Variants in NRXN3 observed in about 807,000 individuals in gnomAD.
NRXN3 encodes neurexin 3, also known as neurexin III.
NRXN3 carries 32 observed loss-of-function variants against 137.6 expected under a neutral mutation model. That is an observed-to-expected ratio of 0.23 (90% confidence interval 0.18 to 0.31). NRXN3 has a LOEUF of 0.31. Among genes scored for constraint, NRXN3 ranks in the 10% least tolerant of loss-of-function variants. The pLI is 1.00. For synonymous variants in NRXN3, 798 were observed against 784.5 expected, an observed-to-expected ratio of 1.02 and a Z score of -0.29; for missense variants, 1,574 against 2,062.5, an observed-to-expected ratio of 0.76 and a Z score of 4.59.
At chr14:78,863,333 C>G (rs558335528) in intron 10 of NRXN3, among the ~76,000 whole-genome samples, 1 of 152,246 alleles carries the variant, frequency 6.6e-6, no homozygotes, top group Admixed American at 6.5e-5. Flanking sequence ...GTTCAGCCCC[C>G]GTATGGAGCT....
At chr14:79,219,262 A>G (rs746917110) in intron 15 of NRXN3, among the ~76,000 whole-genome samples, 6 of 152,066 alleles carry the variant, frequency 3.9e-5, no homozygotes, top group African/African-American at 1.4e-4. Context: ...AGCTAAGACT[A>G]TAGGCATCAA....
chr14:78,456,237 C>T (rs1440843347), intron 4 of NRXN3, among the ~76,000 whole-genome samples: 1 of 152,064 alleles, frequency 6.6e-6, no homozygotes, highest in Non-Finnish European at 1.5e-5. Flanking sequence ...CAAGTGGCAG[C>T]ATCTCTAAAG....
intron 15 of NRXN3, among the ~76,000 whole-genome samples, chr14:79,032,174 G>T (rs1163882197): frequency 6.6e-6 from 1 of 152,116 alleles, no homozygotes; most frequent in Admixed American, 6.6e-5. Flanking sequence ...AAAGGTACTT[G>T]ATATTTTAGG....
intron 20 of NRXN3, among the ~76,000 whole-genome samples, chr14:79,831,028 G>A (rs532339574): frequency 4.6e-4 from 70 of 152,074 alleles, no homozygotes; most frequent in African/African-American, 1.6e-3. Context: ...TTTCAGGAAC[G>A]TGTTGACATG....
chr14:78,218,979 G>A (rs552470113), intron 1 of NRXN3, among the ~76,000 whole-genome samples: 1 of 152,244 alleles, frequency 6.6e-6, no homozygotes, highest in African/African-American at 2.4e-5. Context: ...TTCTCTCCGT[G>A]TCATTACATT....
At chr14:78,981,764 G>A (rs1373629541) in intron 14 of NRXN3, among the ~76,000 whole-genome samples, 1 of 152,188 alleles carries the variant, frequency 6.6e-6, no homozygotes, top group East Asian at 1.9e-4. Flanking sequence ...ATCAATAGAT[G>A]TTTAGTGGGA....
chr14:78,601,104 C>A (rs912720050), intron 4 of NRXN3, among the ~76,000 whole-genome samples: 3 of 152,144 alleles, frequency 2.0e-5, no homozygotes, highest in Admixed American at 1.3e-4. Flanking sequence ...GCATGCTAAT[C>A]CCTGAAAGAA....
At chr14:78,690,446 A>G (rs2098161507) in intron 6 of NRXN3, among the ~76,000 whole-genome samples, 1 of 152,190 alleles carries the variant, frequency 6.6e-6, no homozygotes, top group South Asian at 2.1e-4. Context: ...CATGATATCC[A>G]TATTTCTCTC....
intron 4 of NRXN3, among the ~76,000 whole-genome samples, chr14:78,469,172 G>T (rs2095201659): frequency 6.6e-6 from 1 of 152,072 alleles, no homozygotes; most frequent in Admixed American, 6.6e-5. Context: ...TGGGTAGAAG[G>T]CCTGGTATTT....
intron 17 of NRXN3, among the ~76,000 whole-genome samples, chr14:79,676,544 T>C (rs2098641796): frequency 6.6e-6 from 1 of 151,870 alleles, no homozygotes; most frequent in Non-Finnish European, 1.5e-5. Context: ...TATTATTATA[T>C]ATTGATAATT....
intron 16 of NRXN3, among the ~76,000 whole-genome samples, chr14:79,515,821 T>C (rs1262039936): frequency 2.6e-5 from 4 of 152,174 alleles, no homozygotes; most frequent in African/African-American, 9.6e-5. Flanking sequence ...GGGAAAACTA[T>C]GGCAGGAAGT....
At chr14:78,617,621 C>G (rs1013010464) in intron 4 of NRXN3, among the ~76,000 whole-genome samples, 1 of 152,022 alleles carries the variant, frequency 6.6e-6, no homozygotes, top group Non-Finnish European at 1.5e-5. Context: ...ATGGGGAATG[C>G]ACAAACAAGG....
chr14:78,653,206 A>G (rs1389868927), intron 6 of NRXN3, among the ~76,000 whole-genome samples: 1 of 152,148 alleles, frequency 6.6e-6, no homozygotes, highest in Non-Finnish European at 1.5e-5. Context: ...CAGAGATTTC[A>G]TCGTCATTTC....
intron 6 of NRXN3, among the ~76,000 whole-genome samples, chr14:78,664,199 T>C (rs1468097271): frequency 6.6e-6 from 1 of 152,182 alleles, no homozygotes; most frequent in Non-Finnish European, 1.5e-5. Flanking sequence ...AGATGTTCTA[T>C]CTCATACTTT....
intron 16 of NRXN3, among the ~76,000 whole-genome samples, chr14:79,600,058 C>G (rs190218102): frequency 2.4e-4 from 36 of 152,240 alleles, no homozygotes; most frequent in East Asian, 2.1e-3. Flanking sequence ...ACTAATTTCT[C>G]TATTTTGGTG....
chr14:78,203,767 C>T (rs983271677), intron 1 of NRXN3, among the ~76,000 whole-genome samples: 2 of 151,016 alleles, frequency 1.3e-5, no homozygotes, highest in Non-Finnish European at 3.0e-5. Context: ...TTTCCTACCA[C>T]ATACCATTGT....
chr14:78,949,742 A>C (rs2099383591), intron 10 of NRXN3, among the ~76,000 whole-genome samples: 1 of 152,186 alleles, frequency 6.6e-6, no homozygotes, highest in Non-Finnish European at 1.5e-5. Context: ...AGGTTATAAA[A>C]GTAATAGAGG....
At chr14:79,024,627 C>A (rs1027476056) in intron 15 of NRXN3, among the ~76,000 whole-genome samples, 1 of 152,050 alleles carries the variant, frequency 6.6e-6, no homozygotes, top group Non-Finnish European at 1.5e-5. Context: ...GAATGTTGGT[C>A]TTTCTTGCTA....
At chr14:78,537,704 T>C (rs946516890) in intron 4 of NRXN3, among the ~76,000 whole-genome samples, 2 of 152,226 alleles carry the variant, frequency 1.3e-5, no homozygotes, top group African/African-American at 4.8e-5. Context: ...TACTGAATGG[T>C]ATTGCCTAGA....
Sources: allele counts gnomAD v4.1 joint callset (sites outside exome capture counted in the v4.1 genomes callset), GRCh38; gene constraint gnomAD v4.1.1; transcripts MANE v1.5; gene names NCBI Gene and HGNC (gene_info 2026-07-23, HGNC 2026-07-21).